NEK11: variants seen among roughly 807,000 people sequenced by gnomAD.
The protein encoded by NEK11 is serine/threonine-protein kinase Nek11.
A neutral mutation model predicts 80.7 loss-of-function variants in NEK11; 72 were observed. The ratio of observed to expected loss-of-function variants is 0.89; its 90% CI spans 0.74 to 1.08. The LOEUF (loss-of-function observed/expected upper bound fraction) is 1.08, where lower values mean the gene tolerates loss of function less well. NEK11 is among the 50% of genes least tolerant of loss of function. NEK11 has a pLI of 0.00. For missense variants in NEK11, 764 were observed against 763.6 expected (o/e 1.00, Z -0.01); for synonymous variants, 251 against 260.7 (o/e 0.96, Z 0.36).
intron 17 of NEK11, among the ~76,000 whole-genome samples, chr3:131,320,057 C>T (rs1470772213): frequency 6.6e-6 from 1 of 151,954 alleles, no homozygotes; most frequent in African/African-American, 2.4e-5. Context: ...AACATAAAAC[C>T]TGTGATTTAA....
intron 15 of NEK11, among the ~76,000 whole-genome samples, chr3:131,236,584 C>T (rs919274657): frequency 2.0e-5 from 3 of 152,144 alleles, no homozygotes; most frequent in African/African-American, 7.2e-5. Context: ...AATGTGGACA[C>T]GTTGACAGTC....
chr3:131,080,471 T>A lies in NEK11; in HGVS notation c.219T>A (p.Thr73=). Residue 73 remains threonine (T), a synonymous_variant, in exon 4 of 18, where the codon ACT becomes ACA. Coordinates refer to ENST00000383366, the MANE Select transcript of NEK11 (RefSeq NM_024800.5). ...ISVGELNPNE[T]VQANLEAQLL... is the part of the protein sequence containing the mutation. ...TTGGAGAACTAAATCCAAATGAAAC[T>A]GTACAGGCCAATTTGGAAGCCCAAC... The A allele has an allele frequency of 6.2e-7, 1 of 1,613,460 alleles. No individual in the cohort carries two copies. The highest frequency in any genetic ancestry group is 2.2e-5 in the East Asian group (1 of 44,860).
chr3:131,193,525 A>G (rs1212884619), intron 14 of NEK11, among the ~76,000 whole-genome samples: 11 of 152,170 alleles, frequency 7.2e-5, no homozygotes, highest in Non-Finnish European at 4.4e-5. Flanking sequence ...AATAAACTGG[A>G]AAAGGAATAA....
intron 3 of NEK11, among the ~76,000 whole-genome samples, chr3:131,050,289 C>T (rs139140845): frequency 8.5e-5 from 13 of 152,318 alleles, no homozygotes; most frequent in East Asian, 5.8e-4. Context: ...TAAGCCCTTG[C>T]GGTCCCCACT....
intron 14 of NEK11, among the ~76,000 whole-genome samples, chr3:131,189,836 T>C (rs2093726651): frequency 6.6e-6 from 1 of 152,140 alleles, no homozygotes; most frequent in African/African-American, 2.4e-5. Flanking sequence ...AGCATTACTG[T>C]GAGGAATTTA....
chr3:131,192,022 A>G (rs1364503802), intron 14 of NEK11, among the ~76,000 whole-genome samples: 1 of 152,200 alleles, frequency 6.6e-6, no homozygotes, highest in Non-Finnish European at 1.5e-5. Context: ...AACGGGAGAG[A>G]ATATTTGCAA....
intron 12 of NEK11, among the ~76,000 whole-genome samples, chr3:131,166,198 G>C (rs1357153685): frequency 1.3e-5 from 2 of 152,226 alleles, no homozygotes; most frequent in African/African-American, 4.8e-5. Flanking sequence ...TCAGGTAAAA[G>C]CAACTTGGGA....
chr3:131,068,536 G>A (rs967416152), intron 3 of NEK11, among the ~76,000 whole-genome samples: 24 of 152,044 alleles, frequency 1.6e-4, no homozygotes, highest in Non-Finnish European at 2.1e-4. Flanking sequence ...AGAAAACCAC[G>A]CCCAAGCTTC....
chr3:131,109,893 C>T lies in NEK11; in HGVS notation c.427C>T (p.Leu143=). 6.2e-7 allele frequency: 1 copy of T among 1,600,924 alleles called. No individual in the cohort carries two copies. Among genetic ancestry groups the T allele is most frequent in the Non-Finnish European group, 8.5e-7 (1 of 1,174,982 alleles). ...NQIIEWFIQL[L]LGVDYMHERR... is the part of the protein sequence containing the mutation. ...AATAATAGAATGGTTTATCCAGCTG[C>T]TGCTGGGAGTTGACTACATGCATGA... The change falls in exon 5 of 18, where the codon CTG becomes TTG. Residue 143 remains leucine, a synonymous_variant. Transcript: ENST00000383366.
chr3:131,269,685 CCATTCCATCCAAAA>C (rs2096140645), intron 16 of NEK11, among the ~76,000 whole-genome samples: 2 of 152,126 alleles, frequency 1.3e-5, no homozygotes, highest in Admixed American at 1.3e-4. Context: ...GCCATCTTGC[CCATTCCATCCAAAA>C]GTAGTTTTTG....
intron 7 of NEK11, among the ~76,000 whole-genome samples, chr3:131,140,940 T>C (rs1286300103): frequency 6.6e-6 from 1 of 152,166 alleles, no homozygotes; most frequent in Non-Finnish European, 1.5e-5. Flanking sequence ...ATTCCCATGA[T>C]TCAGTGGTAT....
chr3:131,291,028 G>A (rs2096538427), intron 17 of NEK11, among the ~76,000 whole-genome samples: 1 of 152,130 alleles, frequency 6.6e-6, no homozygotes, highest in Non-Finnish European at 1.5e-5. Flanking sequence ...ATAATGTCAT[G>A]TATCCATCAC....
chr3:131,066,740 G>A (rs2072051709), intron 3 of NEK11, among the ~76,000 whole-genome samples: 1 of 151,762 alleles, frequency 6.6e-6, no homozygotes. Context: ...TACTCGGGAG[G>A]CTGAGGCAGG....
intron 3 of NEK11, among the ~76,000 whole-genome samples, chr3:131,075,264 G>T (rs902079177): frequency 7.2e-5 from 11 of 152,094 alleles, no homozygotes; most frequent in African/African-American, 2.7e-4. Flanking sequence ...GGCATATGGG[G>T]ATAACCCATA....
At chr3:131,262,465 C>G (rs1056911832) in intron 16 of NEK11, among the ~76,000 whole-genome samples, 3 of 152,150 alleles carry the variant, frequency 2.0e-5, no homozygotes, top group African/African-American at 7.2e-5. Context: ...ATGTTATCCG[C>G]AAATTGAGAT....
chr3:131,036,756 A>G (rs1192204718), intron 3 of NEK11, among the ~76,000 whole-genome samples: 4 of 152,186 alleles, frequency 2.6e-5, no homozygotes, highest in Non-Finnish European at 5.9e-5. Flanking sequence ...CTGATTTAGC[A>G]GGTCTGGTAG....
intron 7 of NEK11, among the ~76,000 whole-genome samples, chr3:131,140,294 G>T (rs1009544736): frequency 1.1e-4 from 17 of 152,138 alleles, no homozygotes; most frequent in African/African-American, 3.6e-4. Flanking sequence ...CACATTGAGA[G>T]ACCAACATGG....
chr3:131,047,364 C>T (rs560923748), intron 3 of NEK11, among the ~76,000 whole-genome samples: 1 of 152,166 alleles, frequency 6.6e-6, no homozygotes, highest in Admixed American at 6.5e-5. Flanking sequence ...TTTCGTATTA[C>T]CAGGATTGTT....
chr3:131,275,816 G>A (rs1319744079), intron 17 of NEK11, among the ~76,000 whole-genome samples: 1 of 152,182 alleles, frequency 6.6e-6, no homozygotes, highest in Non-Finnish European at 1.5e-5. Flanking sequence ...ATGCCAAGAA[G>A]AATAGTTAAT....
Sources: gnomAD v4.1 joint callset for allele counts (sites outside exome capture counted in the v4.1 genomes callset) on GRCh38, gnomAD v4.1.1 for gene constraint, MANE v1.5 for transcripts, NCBI Gene and HGNC (gene_info 2026-07-23, HGNC 2026-07-21) for gene names.